CRYBA4: variants seen among roughly 807,000 people sequenced by gnomAD.
CRYBA4 encodes the protein beta-crystallin A4.
Under a neutral mutation model 31.7 loss-of-function variants are expected in CRYBA4, and 30 were observed. The observed-to-expected ratio is 0.95, with a 90% CI of 0.71 to 1.28. The LOEUF is 1.28. Among genes scored for constraint, CRYBA4 ranks in the 50% most tolerant of loss-of-function variants. The pLI, the probability that CRYBA4 is intolerant of heterozygous loss-of-function variation, is 0.00. For synonymous variants in CRYBA4, 102 were observed against 102.3 expected, an observed-to-expected ratio of 1.00 and a Z score of 0.02; for missense variants, 225 against 260.7, an observed-to-expected ratio of 0.86 and a Z score of 0.94.
At chr22:26,592,436 C>T in the CRYBA4 span, among the ~76,000 whole-genome samples, 1 of 152,188 alleles carries the variant, frequency 6.6e-6, no homozygotes, top group Non-Finnish European at 1.5e-5. Context: ...TTAACCTGGT[C>T]CAGGGAGGGA....
At chr22:26,602,377 G>C in the CRYBA4 span, among the ~76,000 whole-genome samples, 6 of 151,970 alleles carry the variant, frequency 3.9e-5, no homozygotes, top group East Asian at 1.2e-3. Flanking sequence ...TGAGGCCAAG[G>C]GTTCAAGACC....
chr22:26,600,686 T>C, the CRYBA4 span, among the ~76,000 whole-genome samples: 1 of 152,256 alleles, frequency 6.6e-6, no homozygotes, highest in Non-Finnish European at 1.5e-5. Context: ...ATAGAAGTTA[T>C]CATCAGTGAT....
At chr22:26,621,563 A>C (rs1929532432), upstream of CRYBA4, among the ~76,000 whole-genome samples, 1 of 152,224 alleles carries the variant, frequency 6.6e-6, no homozygotes, top group Non-Finnish European at 1.5e-5. Context: ...TGTACCAGGC[A>C]TGTTATGTAA....
chr22:26,595,804 G>T, the CRYBA4 span, among the ~76,000 whole-genome samples: 2 of 151,524 alleles, frequency 1.3e-5, no homozygotes, highest in Admixed American at 6.6e-5. Flanking sequence ...ACAGGGTCTT[G>T]CTCTGTTCCC....
At chr22:26,611,496 C>T in the CRYBA4 span, among the ~76,000 whole-genome samples, 1 of 142,160 alleles carries the variant, frequency 7.0e-6, no homozygotes, top group East Asian at 2.0e-4. Context: ...GAGACGGAGT[C>T]TCGCTCTGTC....
chr22:26,621,877 C>T, upstream of CRYBA4: 6 of 642,492 alleles, frequency 9.3e-6, no homozygotes, highest in Non-Finnish European at 9.7e-6. Context: ...TTTCTGTGGC[C>T]CAGTTGCTGA....
At chr22:26,630,198 G>A in intron 5 of CRYBA4, 142 bp from the exon 6 acceptor site, 1 of 1,032,110 alleles carries the variant, frequency 9.7e-7, no homozygotes, top group Non-Finnish European at 1.5e-6. Context: ...TGTGGTAGGG[G>A]AGAGAGCATG....
the CRYBA4 span, chr22:26,612,254 T>G: frequency 9.2e-7 from 1 of 1,091,628 alleles, no homozygotes; most frequent in African/African-American, 1.5e-5. Context: ...TCATTAAGTA[T>G]CTACATAAAT....
chr22:26,606,998 C>T, the CRYBA4 span, among the ~76,000 whole-genome samples: 2 of 147,308 alleles, frequency 1.4e-5, no homozygotes, highest in Non-Finnish European at 3.0e-5. Context: ...GTTCAAGCTG[C>T]GTTTCTACAG....
At chr22:26,612,153 C>T in the CRYBA4 span, 8 of 1,613,792 alleles carry the variant, frequency 5.0e-6, no homozygotes, top group African/African-American at 2.7e-5. Context: ...GAATTCTGCT[C>T]GACGGCCCTG....
chr22:26,602,138 G>T, the CRYBA4 span: 2 of 1,306,220 alleles, frequency 1.5e-6, no homozygotes, highest in Non-Finnish European at 1.1e-6. Flanking sequence ...GCTGCTGGGG[G>T]ACTCTCCAGG....
chr22:26,623,564 T>C (rs1929609886), intron 3 of CRYBA4, among the ~76,000 whole-genome samples: 1 of 152,164 alleles, frequency 6.6e-6, no homozygotes, highest in Admixed American at 6.5e-5. Flanking sequence ...ACACAGACCC[T>C]GCCCACTGGA....
the CRYBA4 span, among the ~76,000 whole-genome samples, chr22:26,609,495 T>C: frequency 2.0e-5 from 3 of 151,802 alleles, no homozygotes; most frequent in Non-Finnish European, 4.4e-5. Context: ...AAGGGATGGA[T>C]GAAGGGATGG....
the CRYBA4 span, chr22:26,616,414 T>C: frequency 1.0e-6 from 1 of 984,074 alleles, no homozygotes; most frequent in Non-Finnish European, 1.6e-6. Context: ...ATCCTGTGCT[T>C]TCAGCCTCCT....
chr22:26,607,456 C>A, the CRYBA4 span, among the ~76,000 whole-genome samples: 2 of 151,730 alleles, frequency 1.3e-5, no homozygotes, highest in Non-Finnish European at 2.9e-5. Context: ...CTTTAGGAGG[C>A]CCAGGCGGGA....
the CRYBA4 span, among the ~76,000 whole-genome samples, chr22:26,609,311 A>T: frequency 6.6e-6 from 1 of 152,228 alleles, no homozygotes; most frequent in African/African-American, 2.4e-5. Flanking sequence ...TTGTCTTCCC[A>T]GAATAGAGTT....
chr22:26,593,845 G>A, the CRYBA4 span, among the ~76,000 whole-genome samples: 1 of 152,092 alleles, frequency 6.6e-6, no homozygotes, highest in African/African-American at 2.4e-5. Context: ...ACTTTATTCA[G>A]GTGCTTGCTA....
chr22:26,613,517 C>A, the CRYBA4 span, among the ~76,000 whole-genome samples: 1 of 152,196 alleles, frequency 6.6e-6, no homozygotes, highest in Non-Finnish European at 1.5e-5. Flanking sequence ...ATTTCTTATG[C>A]CTGTCTTTAC....
chr22:26,628,098 ATT>A (rs1320869102), intron 4 of CRYBA4, among the ~76,000 whole-genome samples, 188 bp from the exon 5 acceptor site: 1 of 151,902 alleles, frequency 6.6e-6, no homozygotes, highest in Non-Finnish European at 1.5e-5. Flanking sequence ...TTCCATGATT[ATT>A]TTCTTTGTGG....
Sources: allele counts gnomAD v4.1 joint callset (sites outside exome capture counted in the v4.1 genomes callset), GRCh38; gene constraint gnomAD v4.1.1; transcripts MANE v1.5; gene names NCBI Gene and HGNC (gene_info 2026-07-23, HGNC 2026-07-21).